The following PPP1R12A variants were observed in gnomAD, a reference collection of about 807,000 sequenced individuals.
The protein encoded by PPP1R12A is protein phosphatase 1 regulatory subunit 12A.
Under a neutral mutation model 139.6 loss-of-function variants are expected in PPP1R12A, and 19 were observed. That is an observed-to-expected ratio of 0.14 (90% confidence interval 0.09 to 0.20). The LOEUF (loss-of-function observed/expected upper bound fraction) is 0.20. Among genes scored for constraint, PPP1R12A ranks in the 10% least tolerant of loss-of-function variants. PPP1R12A has a pLI of 1.00. For synonymous variants in PPP1R12A, 427 were observed against 420.6 expected (o/e 1.02, Z -0.19); for missense variants, 925 against 1,211.5 (o/e 0.76, Z 3.51).
intron 1 of PPP1R12A, among the ~76,000 whole-genome samples, chr12:79,895,598 T>C (rs1885060169): frequency 6.6e-6 from 1 of 152,166 alleles, no homozygotes; most frequent in African/African-American, 2.4e-5. Flanking sequence ...GATACAGCTA[T>C]TTCATCTTAA....
chr12:79,822,911 T>G (rs1876298143), intron 5 of PPP1R12A, among the ~76,000 whole-genome samples: 1 of 152,156 alleles, frequency 6.6e-6, no homozygotes, highest in East Asian at 1.9e-4. Flanking sequence ...CAACATACAG[T>G]TAAGGGCAAA....
intron 1 of PPP1R12A, among the ~76,000 whole-genome samples, chr12:79,922,271 CAAAAA>C (rs1009356714): frequency 1.3e-5 from 2 of 151,324 alleles, no homozygotes; most frequent in Non-Finnish European, 2.9e-5. Context: ...CAAAACAAAA[CAAAAA>C]AAACAATAAA....
chr12:79,785,121 T>C (rs1389327128), intron 22 of PPP1R12A, among the ~76,000 whole-genome samples: 2 of 152,256 alleles, frequency 1.3e-5, no homozygotes, highest in Non-Finnish European at 2.9e-5. Context: ...CTGTTAACTT[T>C]TCTGCTAAAC....
At chr12:79,792,800 G>A (rs751271645) in intron 19 of PPP1R12A, among the ~76,000 whole-genome samples, 16 of 152,240 alleles carry the variant, frequency 1.1e-4, no homozygotes, top group Admixed American at 1.3e-4. Context: ...ATAAAGAAGG[G>A]ACATAGGTAA....
intron 11 of PPP1R12A, among the ~76,000 whole-genome samples, chr12:79,807,958 C>T (rs1268659125): frequency 6.6e-6 from 1 of 151,640 alleles, no homozygotes; most frequent in African/African-American, 2.4e-5. Context: ...ACTACTTGAA[C>T]CTGAGAGGTG....
chr12:79,792,361 G>A (rs1383739515), intron 19 of PPP1R12A, among the ~76,000 whole-genome samples: 1 of 152,098 alleles, frequency 6.6e-6, no homozygotes, highest in Admixed American at 6.6e-5. Flanking sequence ...ATCCCTATGA[G>A]GTACATCAGC....
intron 5 of PPP1R12A, chr12:79,824,984 T>G (rs551373861): frequency 1.3e-5 from 2 of 152,286 alleles, no homozygotes; most frequent in African/African-American, 4.8e-5. Flanking sequence ...CCAAATTTTT[T>G]TTTAGGTACA....
At chr12:79,841,319 C>A (rs1189277213) in intron 3 of PPP1R12A, among the ~76,000 whole-genome samples, 1 of 152,200 alleles carries the variant, frequency 6.6e-6, no homozygotes, top group Admixed American at 6.5e-5. Flanking sequence ...TAAATGTCAT[C>A]ACTCTGAAAC....
At chr12:79,836,955 C>T (rs1056672342) in intron 3 of PPP1R12A, among the ~76,000 whole-genome samples, 7 of 152,030 alleles carry the variant, frequency 4.6e-5, no homozygotes, top group African/African-American at 1.7e-4. Flanking sequence ...GGGAGTGATG[C>T]CAATATCTAT....
At chr12:79,786,640 G>T in intron 21 of PPP1R12A, 162 bp from the exon 22 acceptor site, 1 of 484,918 alleles carries the variant, frequency 2.1e-6, no homozygotes, top group South Asian at 3.4e-5. Flanking sequence ...GAGACTGTTC[G>T]TTATGCAAGT....
intron 1 of PPP1R12A, among the ~76,000 whole-genome samples, chr12:79,933,567 G>A (rs1888411384): frequency 6.6e-6 from 1 of 152,182 alleles, no homozygotes. Context: ...AGCTATCGCT[G>A]CAAAGTCATT....
At chr12:79,915,854 G>A (rs1886949824) in intron 1 of PPP1R12A, among the ~76,000 whole-genome samples, 1 of 152,030 alleles carries the variant, frequency 6.6e-6, no homozygotes, top group Middle Eastern at 3.2e-3. Flanking sequence ...CTATTAGTGA[G>A]CCTAATCCTG....
intron 11 of PPP1R12A, 36 bp downstream of exon 11, chr12:79,808,447 A>T (rs1291766943): frequency 7.4e-7 from 1 of 1,360,116 alleles, no homozygotes; most frequent in Non-Finnish European, 1.0e-6. Flanking sequence ...TAAAGATTTT[A>T]TAGTGAATGC....
intron 1 of PPP1R12A, among the ~76,000 whole-genome samples, chr12:79,917,203 T>C (rs901813375): frequency 6.6e-6 from 1 of 152,106 alleles, no homozygotes; most frequent in African/African-American, 2.4e-5. Flanking sequence ...GTTAAGAGTT[T>C]AGGCCGGGCA....
Position 79,788,731 on chromosome 12 carries a change from G to A in PPP1R12A, c.2719C>T (p.Arg907Cys), listed in dbSNP as rs753961256. 4.3e-6 allele frequency: 7 copies of A among 1,612,592 alleles called. No individual in the cohort carries two copies. Among genetic ancestry groups the A allele is most frequent in the African/African-American group, 1.3e-5 (1 of 74,832 alleles). Reference sequence around the variant, plus strand: ...TCTAAGTAACTGTATGATCCAGAGCGACCCAGCAAGGAATCATATCGATCA... The same window carrying A: ...TCTAAGTAACTGTATGATCCAGAGCAACCCAGCAAGGAATCATATCGATCA... The part of the protein sequence containing the change: ...AGDRYDSLLG[R>C]SGSYSYLEER... The change falls in exon 21 of 25, where the codon CGC (arginine) becomes TGC (cysteine). Residue 907 changes from arginine (R) to cysteine (C), a missense_variant. Physicochemically the swap from Arg to Cys is radical, Grantham distance 180. Transcript: ENST00000450142.
intron 14 of PPP1R12A, among the ~76,000 whole-genome samples, chr12:79,800,627 T>C (rs1330795491): frequency 6.6e-6 from 1 of 152,104 alleles, no homozygotes. Context: ...AAGGGTCAAC[T>C]GTATCTCTAT....
chr12:79,926,588 A>G (rs139286857), intron 1 of PPP1R12A, among the ~76,000 whole-genome samples: 2 of 152,326 alleles, frequency 1.3e-5, no homozygotes, highest in African/African-American at 4.8e-5. Flanking sequence ...GGACATTTTA[A>G]AAGTTTGTCA....
chr12:79,826,833 C>G (rs1876839582), intron 5 of PPP1R12A, among the ~76,000 whole-genome samples: 1 of 152,102 alleles, frequency 6.6e-6, no homozygotes, highest in Non-Finnish European at 1.5e-5. Flanking sequence ...TTTTGGAAAC[C>G]ATTTCAATTA....
chr12:79,879,673 G>A (rs1883445129), intron 1 of PPP1R12A, among the ~76,000 whole-genome samples: 1 of 152,180 alleles, frequency 6.6e-6, no homozygotes, highest in Admixed American at 6.6e-5. Flanking sequence ...ATAAGATCTG[G>A]TGATAAGACT....
Sources: gnomAD v4.1 joint callset for allele counts (sites outside exome capture counted in the v4.1 genomes callset) on GRCh38, gnomAD v4.1.1 for gene constraint, MANE v1.5 for transcripts, NCBI Gene and HGNC (gene_info 2026-07-23, HGNC 2026-07-21) for gene names.